SLCO2A1: variants seen among roughly 807,000 people sequenced by gnomAD.
The protein encoded by SLCO2A1 is matrin F/G 1.
Under a neutral mutation model 71.7 loss-of-function variants are expected in SLCO2A1, and 60 were observed. That is an observed-to-expected ratio of 0.84 (90% CI 0.68 to 1.04). The LOEUF (loss-of-function observed/expected upper bound fraction) is 1.04. Among genes scored for constraint, SLCO2A1 ranks in the 50% least tolerant of loss-of-function variants. The pLI is 0.00. For missense variants in SLCO2A1, 745 were observed against 813.4 expected (o/e 0.92, Z 1.02); for synonymous variants, 308 against 326.7 (o/e 0.94, Z 0.62).
chr3:133,946,199 T>TC (rs1933573097), intron 9 of SLCO2A1, among the ~76,000 whole-genome samples: 2 of 139,908 alleles, frequency 1.4e-5, no homozygotes, highest in East Asian at 4.1e-4. Context: ...ACCCCTTCTC[T>TC]CCTTCACCCA....
chr3:134,006,657 T>G (rs1935222290), intron 1 of SLCO2A1, among the ~76,000 whole-genome samples: 1 of 152,238 alleles, frequency 6.6e-6, no homozygotes, highest in Non-Finnish European at 1.5e-5. Flanking sequence ...CAGAATTTCC[T>G]TTCTTTTTAA....
chr3:133,984,525 G>GCC (rs1283636288), intron 1 of SLCO2A1, among the ~76,000 whole-genome samples: 1 of 152,190 alleles, frequency 6.6e-6, no homozygotes, highest in Non-Finnish European at 1.5e-5. Context: ...TTCTGTCAGG[G>GCC]CCACTCAGGG....
intron 3 of SLCO2A1, among the ~76,000 whole-genome samples, chr3:133,965,116 TC>T (rs56019104): frequency 0.1 from 15,243 of 152,042 alleles, 844 homozygotes; most frequent in Middle Eastern, 0.21. Context: ...GATGAGAAGC[TC>T]TTTAAAGGGG....
intron 6 of SLCO2A1, among the ~76,000 whole-genome samples, chr3:133,950,404 C>G (rs763329879): frequency 3.9e-5 from 6 of 152,296 alleles, no homozygotes; most frequent in Admixed American, 6.5e-5. Context: ...ACTGCTGAGT[C>G]CTTCTGGGCA....
intron 1 of SLCO2A1, among the ~76,000 whole-genome samples, chr3:134,022,044 C>A (rs2108079844): frequency 2.1e-5 from 3 of 145,430 alleles, no homozygotes; most frequent in African/African-American, 2.5e-5. Flanking sequence ...CACACCTCAC[C>A]AGTTCAGAAG....
intron 1 of SLCO2A1, among the ~76,000 whole-genome samples, chr3:134,025,633 G>A (rs940005114): frequency 3.9e-5 from 6 of 152,018 alleles, no homozygotes; most frequent in Non-Finnish European, 8.8e-5. Flanking sequence ...GTAAATACTG[G>A]TCTTGTGTCA....
chr3:133,964,108 T>G (rs141321475), intron 3 of SLCO2A1, among the ~76,000 whole-genome samples: 3 of 152,336 alleles, frequency 2.0e-5, no homozygotes, highest in Non-Finnish European at 2.9e-5. Context: ...AGTTTCATCT[T>G]GGAAAACTAG....
At chr3:134,021,138 T>G (rs1483718971) in intron 1 of SLCO2A1, among the ~76,000 whole-genome samples, 2 of 152,238 alleles carry the variant, frequency 1.3e-5, no homozygotes, top group Non-Finnish European at 2.9e-5. Flanking sequence ...TTTGCTTTGG[T>G]GCAAACTGCA....
chr3:133,945,360 G>C (rs1933548194), intron 9 of SLCO2A1, 100 bp from the exon 10 acceptor site: 1 of 1,195,272 alleles, frequency 8.4e-7, no homozygotes, highest in Admixed American at 2.4e-5. Flanking sequence ...GAGTGTGTCT[G>C]TGCATCTTTA....
At chr3:133,996,413 A>AGGAC (rs535407128) in intron 1 of SLCO2A1, among the ~76,000 whole-genome samples, 13 of 152,340 alleles carry the variant, frequency 8.5e-5, no homozygotes, top group African/African-American at 2.9e-4. Flanking sequence ...AGCAGAAGGT[A>AGGAC]GGACGGACGT....
chr3:133,980,555 G>A (rs755761038), intron 1 of SLCO2A1, among the ~76,000 whole-genome samples: 3 of 152,178 alleles, frequency 2.0e-5, no homozygotes, highest in Admixed American at 6.5e-5. Context: ...CCTGGAAGGC[G>A]CCCCTCTGGG....
chr3:133,984,972 C>T (rs760518309), intron 1 of SLCO2A1, among the ~76,000 whole-genome samples: 2 of 152,138 alleles, frequency 1.3e-5, no homozygotes, highest in Non-Finnish European at 2.9e-5. Context: ...ATGTTGCAGG[C>T]CCCTGCCACC....
Position 133,983,991 on chromosome 3 carries a change from G to A in SLCO2A1, c.97-4373C>T, listed in dbSNP as rs139558933. Among the ~76,000 whole-genome samples, 357 of 152,284 alleles carry A rather than the reference G, an allele frequency of 2.3e-3. 1 individual carries two copies. The highest frequency in any genetic ancestry group is 8.2e-3 in the African/African-American group (340 of 41,558). ...GTCAAAGGCATGCATGCATGGAAAC[G>A]GGGGATCCAGAAGGAGGAGAGCATA... On this transcript the variant is annotated intron_variant, in intron 1 of 13. Transcript: ENST00000310926.
intron 6 of SLCO2A1, among the ~76,000 whole-genome samples, chr3:133,950,466 A>C (rs1434502585): frequency 6.6e-6 from 1 of 151,940 alleles, no homozygotes; most frequent in East Asian, 1.9e-4. Context: ...GCTCTCCGAC[A>C]ACCATTGCTG....
intron 2 of SLCO2A1, among the ~76,000 whole-genome samples, chr3:133,976,679 T>G (rs1302788601): frequency 6.6e-6 from 1 of 152,060 alleles, no homozygotes; most frequent in Admixed American, 6.6e-5. Flanking sequence ...CCTAAAACAC[T>G]ACCATGGACT....
intron 1 of SLCO2A1, among the ~76,000 whole-genome samples, chr3:134,018,429 A>C (rs1176135113): frequency 2.6e-5 from 4 of 152,218 alleles, no homozygotes; most frequent in African/African-American, 9.6e-5. Context: ...AGTGATGGAC[A>C]TAGGCCAAGA....
chr3:133,942,781 G>A lies in SLCO2A1; in HGVS notation c.1462-13C>T, dbSNP rs202111088. The A allele has an allele frequency of 1.9e-5, 30 of 1,586,302 alleles. No homozygotes were observed. The East Asian group carries it at 6.4e-4, about 34-fold the overall frequency. ...AGTTCAAATAGATCTTCAAGAGGAA[G>A]GGGAGGGAAAAAGGGGGAAATTTGT... On this transcript the variant is annotated splice_polypyrimidine_tract_variant and intron_variant, in intron 10 of 13. Transcript: ENST00000310926.
At chr3:133,999,571 A>G (rs4306855) in intron 1 of SLCO2A1, among the ~76,000 whole-genome samples, 98,605 of 152,080 alleles carry the variant, frequency 0.65, 34,094 homozygotes, top group Middle Eastern at 0.82. Context: ...TCAGGGTGAT[A>G]TGGCAGATGC....
At chr3:134,001,089 T>C (rs1163726753) in intron 1 of SLCO2A1, among the ~76,000 whole-genome samples, 1 of 151,918 alleles carries the variant, frequency 6.6e-6, no homozygotes, top group African/African-American at 2.4e-5. Flanking sequence ...ATGGGGGCTG[T>C]TGGTGGGTGG....
Sources: allele counts gnomAD v4.1 joint callset (sites outside exome capture counted in the v4.1 genomes callset), GRCh38; gene constraint gnomAD v4.1.1; transcripts MANE v1.5; gene names NCBI Gene and HGNC (gene_info 2026-07-23, HGNC 2026-07-21).